The following TRMT6 variants were observed in gnomAD, a reference collection of about 807,000 sequenced individuals.
TRMT6 encodes tRNA methyltransferase 6 non-catalytic subunit, also known as tRNA (adenine(58)-N(1))-methyltransferase non-catalytic subunit TRM6.
A neutral mutation model predicts 59.0 loss-of-function variants in TRMT6; 34 were observed. The observed-to-expected ratio is 0.58, with a 90% confidence interval of 0.44 to 0.77. The LOEUF (loss-of-function observed/expected upper bound fraction) is 0.77, where lower values mean the gene tolerates loss of function less well. TRMT6 is among the 30% of genes least tolerant of loss of function. The pLI is 0.00. For missense variants in TRMT6, 575 were observed against 604.5 expected (o/e 0.95, Z 0.51); for synonymous variants, 217 against 210.5 (o/e 1.03, Z -0.27).
chr20:5,941,209 A>C (rs1398331709), intron 9 of TRMT6, 34 bp downstream of exon 9: 3 of 1,608,600 alleles, frequency 1.9e-6, no homozygotes, highest in South Asian at 2.2e-5. Context: ...ACATTCAGAC[A>C]TAAGAATTCC....
At position 5,942,792 on chromosome 20, in the gene TRMT6, C is replaced by T. The variant is rs562790779; in HGVS notation, c.668-6G>A. The T allele has an allele frequency of 5.0e-6, 8 of 1,604,466 alleles. No homozygotes were observed. The highest frequency in any genetic ancestry group is 1.7e-4 in the Middle Eastern group (1 of 6,000). On this transcript the variant is annotated splice_polypyrimidine_tract_variant and splice_region_variant and intron_variant, in intron 6 of 10. Coordinates refer to ENST00000203001, the MANE Select transcript of TRMT6 (RefSeq NM_015939.5). ...CTGAATAATGGAGCCAAAACCTGAA[C>T]AGATAAAAGAAACAAACATCTGCCC...
Position 5,946,522 on chromosome 20 carries a change from A to C in TRMT6, c.140T>G (p.Phe47Cys). Reference sequence around the variant, plus strand: ...ATCCAGGTAGAACCACTGTTTTTCGAAAGTTACTTTTCTAGGGAAAAAAAG... The same window carrying C: ...ATCCAGGTAGAACCACTGTTTTTCGCAAGTTACTTTTCTAGGGAAAAAAAG... ...VQVQRRKKVT[F>C]EKQWFYLDNV... Residue 47 changes from phenylalanine (F) to cysteine (C), a missense_variant, in exon 2 of 11, where the codon TTC becomes TGC. Phe to Cys is a radical substitution (Grantham distance 205). Transcript: ENST00000203001. The C allele has an allele frequency of 6.2e-7, 1 of 1,614,132 alleles. No homozygotes were observed. The highest frequency in any genetic ancestry group is 8.5e-7 in the Non-Finnish European group (1 of 1,179,998).
intron 8 of TRMT6, 115 bp from the exon 9 acceptor site, chr20:5,941,460 G>C: frequency 1.3e-6 from 1 of 743,004 alleles, no homozygotes; most frequent in Non-Finnish European, 2.2e-6. Context: ...AAAGAGAAGA[G>C]ATTTAAATAT....
At position 5,938,702 on chromosome 20, in the gene TRMT6, T is replaced by G; in HGVS notation, c.1327A>C (p.Lys443Gln). 1 of 1,614,172 alleles carries G rather than the reference T, an allele frequency of 6.2e-7. No homozygotes were observed. The highest frequency in any genetic ancestry group is 8.5e-7 in the Non-Finnish European group (1 of 1,180,024). ...CCCCCACCTCCACTCATCAGCAGTT[T>G]AGGATGACTTCGATCTGGCAAAACC... is the stretch of plus-strand genomic sequence containing the variant. ...YQVLPDRSHPKLLMSGGGGYL... is the reference protein window; with the variant it reads ...YQVLPDRSHPQLLMSGGGGYL... The change falls in exon 11 of 11, where the codon AAA (lysine) becomes CAA (glutamine). Residue 443 changes from lysine to glutamine, a missense_variant. Transcript: ENST00000203001.
chr20:5,945,924 C>T (rs540825691), intron 2 of TRMT6, among the ~76,000 whole-genome samples: 6 of 152,222 alleles, frequency 3.9e-5, no homozygotes, highest in Admixed American at 6.5e-5. Flanking sequence ...TCAATACAAC[C>T]TAGGCATTAA....
chr20:5,941,212 A>G, intron 9 of TRMT6, 31 bp downstream of exon 9: 2 of 1,609,258 alleles, frequency 1.2e-6, no homozygotes, highest in Non-Finnish European at 1.7e-6. Flanking sequence ...TTCAGACATA[A>G]GAATTCCTGC....
In TRMT6 at chr20:5,938,627, T is replaced by C. The variant is rs1364140448; in HGVS notation, c.1402A>G (p.Thr468Ala). ...GTGCTTGCATTAGATTTGAGGCTGG[T>C]GTCTGCTTTAAGGTTGTCCATGGCA... is the stretch of plus-strand genomic sequence containing the variant. ...TVAMDNLKAD[T>A]SLKSNASTLE... The change falls in exon 11 of 11, where the codon ACC (threonine) becomes GCC (alanine). Residue 468 changes from threonine (T) to alanine (A), a missense_variant. By Grantham distance (58) the Thr-to-Ala change is moderately conservative. Transcript: ENST00000203001. 1 of 1,614,220 alleles carries C rather than the reference T, an allele frequency of 6.2e-7. No individual in the cohort carries two copies. The highest frequency in any genetic ancestry group is 1.7e-5 in the Admixed American group (1 of 60,032).
In TRMT6 at chr20:5,943,594, C is replaced by A; in HGVS notation, c.632G>T (p.Gly211Val). The A allele has an allele frequency of 1.9e-6, 3 of 1,614,220 alleles. No homozygotes were observed. The highest frequency in any genetic ancestry group is 2.5e-6 in the Non-Finnish European group (3 of 1,180,036). ...NKMIVMETCA[G>V]LVLGAMMERM... The stretch of plus-strand genomic sequence containing the variant: ...TTCCATCATTGCACCCAGCACCAAG[C>A]CTGCACACGTTTCCATCACAATCAT... The change falls in exon 6 of 11, where the codon GGC (glycine) becomes GTC (valine). Residue 211 changes from glycine to valine, a missense_variant. Coordinates refer to ENST00000203001, the MANE Select transcript of TRMT6 (RefSeq NM_015939.5).
rs2088620212 is a variant in TRMT6, at chr20:5,937,775, CCAA to C, written c.*757_*759del. 1 of 152,062 alleles carries C rather than the reference CCAA, an allele frequency of 6.6e-6. No homozygotes were observed. The highest frequency in any genetic ancestry group is 1.5e-5 in the Non-Finnish European group (1 of 68,024). The allele number at this position is 152,062 out of a possible 1,614,324, so 9.4% of individuals were successfully genotyped here. A position where few individuals can be genotyped will look rare whatever the true frequency, so the allele number is the denominator to read the frequency against. On this transcript the variant is annotated 3_prime_UTR_variant, in exon 11 of 11. Transcript: ENST00000203001. ...ATATAAATATATGTGTGTATATATA[CCAA>C]CATCTATATACATATGTGTGTGTGT...
At chr20:5,942,273 A>T in intron 7 of TRMT6, 155 bp downstream of exon 7, 1 of 790,626 alleles carries the variant, frequency 1.3e-6, no homozygotes, top group Non-Finnish European at 2.1e-6. Context: ...AGACCGAATC[A>T]CACGTTTGTA....
intron 1 of TRMT6, among the ~76,000 whole-genome samples, chr20:5,949,790 T>A (rs865905893): frequency 6.6e-6 from 1 of 151,800 alleles, no homozygotes; most frequent in Admixed American, 6.6e-5. Context: ...GGAGGATCTA[T>A]GGTGGAAAAA....
intron 1 of TRMT6, among the ~76,000 whole-genome samples, chr20:5,948,278 C>A (rs236186): frequency 0.22 from 34,104 of 151,968 alleles, 5,715 homozygotes; most frequent in African/African-American, 0.47. Context: ...TGTGGGGCCC[C>A]GTTAGAGGGA....
At chr20:5,942,353 T>C (rs1568558383) in intron 7 of TRMT6, 75 bp downstream of exon 7, 3 of 1,351,944 alleles carry the variant, frequency 2.2e-6, no homozygotes, top group Admixed American at 1.7e-5. Flanking sequence ...AAAGCCAAAC[T>C]AAATCTCATG....
In TRMT6 at chr20:5,950,197, G is replaced by T. The variant is rs773856524; in HGVS notation, c.128+81C>A. On this transcript the variant is annotated intron_variant, in intron 1 of 10. Coordinates refer to ENST00000203001, the MANE Select transcript of TRMT6 (RefSeq NM_015939.5). ...AGCCAAGAATGGCACCCTGGCGGAA[G>T]AATTCTGTGGAGAAACCTGGAGGGA... 5 of 1,442,102 alleles carry T rather than the reference G, an allele frequency of 3.5e-6. No homozygotes were observed. The East Asian group carries it at 1.3e-4, about 37-fold the overall frequency. The allele number at this position is 1,442,102 out of a possible 1,614,324, so 89.3% of individuals were successfully genotyped here. A position where few individuals can be genotyped will look rare whatever the true frequency, so the allele number is the denominator to read the frequency against.
Position 5,942,662 on chromosome 20 carries a change from A to ACTGT in TRMT6, c.788_791dup (p.Ser264ArgfsTer24), listed in dbSNP as rs1257431455. The ACTGT allele has an allele frequency of 2.5e-6, 4 of 1,614,116 alleles. No homozygotes were observed. In the South Asian group the frequency reaches 4.4e-5, roughly 18 times the overall value. On this transcript the variant is annotated frameshift_variant, in exon 7 of 11. Coordinates refer to ENST00000203001, the MANE Select transcript of TRMT6 (RefSeq NM_015939.5). LOFTEE classifies it high-confidence loss of function. ...TGGCAGAAAATGTTCCATGTAGAAG[A>ACTGT]CTGTCCACTTTGTTGAGAGGGAATT... is the stretch of plus-strand genomic sequence containing the variant.
intron 10 of TRMT6, among the ~76,000 whole-genome samples, chr20:5,939,435 C>G (rs236172): frequency 0.22 from 33,012 of 148,562 alleles, 5,329 homozygotes; most frequent in African/African-American, 0.46. Flanking sequence ...GAGCCAAGAT[C>G]GCGCCACTGC....
chr20:5,943,368 C>T (rs527504034), intron 6 of TRMT6, among the ~76,000 whole-genome samples, 191 bp downstream of exon 6: 10 of 152,266 alleles, frequency 6.6e-5, no homozygotes, highest in Admixed American at 5.9e-4. Context: ...TTTGGGGGTA[C>T]CCATGGGTGG....
intron 1 of TRMT6, among the ~76,000 whole-genome samples, chr20:5,947,514 C>T (rs944173336): frequency 8.5e-5 from 13 of 152,214 alleles, no homozygotes; most frequent in Admixed American, 2.6e-4. Flanking sequence ...TTCCCTAAAT[C>T]GGCCACACTT....
chr20:5,940,425 G>C (rs1600222087), intron 10 of TRMT6, among the ~76,000 whole-genome samples: 2 of 152,244 alleles, frequency 1.3e-5, no homozygotes, highest in African/African-American at 4.8e-5. Flanking sequence ...ATCATCCACA[G>C]TGATACTGAG....
Sources: allele counts gnomAD v4.1 joint callset (sites outside exome capture counted in the v4.1 genomes callset), GRCh38; gene constraint gnomAD v4.1.1; transcripts MANE v1.5; gene names NCBI Gene and HGNC (gene_info 2026-07-23, HGNC 2026-07-21).